The following STRN variants were observed in gnomAD, a reference collection of about 807,000 sequenced individuals.
STRN encodes striatin, also known as protein phosphatase 2 regulatory subunit B'''alpha.
A neutral mutation model predicts 96.3 loss-of-function variants in STRN; 53 were observed. The observed-to-expected ratio is 0.55, with a 90% CI of 0.44 to 0.69. The LOEUF is 0.69. Among genes scored for constraint, STRN ranks in the 30% least tolerant of loss-of-function variants. STRN has a pLI of 0.00. For missense variants in STRN, 987 were observed against 963.9 expected (o/e 1.02, Z -0.32); for synonymous variants, 428 against 355.9 (o/e 1.20, Z -2.28).
rs879012467 is a variant in STRN at position 36,894,099 on chromosome 2, T to A, written c.796-66A>T. The A allele has an allele frequency of 2.0e-5, 31 of 1,525,604 alleles. No individual in the cohort carries two copies. The South Asian group carries it at 3.5e-4, about 17-fold the overall frequency. 94.5% of individuals were successfully genotyped at this position (1,525,604 alleles called of 1,614,324 possible). A position where few individuals can be genotyped will look rare whatever the true frequency, so the allele number is the denominator to read the frequency against. ...TCCCTTTACCACTGAATAAGAAAAT[T>A]CAATTATTTTCTTCAGAAAGTATAC... On this transcript the variant is annotated intron_variant, in intron 6 of 17. Transcript: ENST00000263918.
Position 36,953,545 on chromosome 2 carries a change from G to A in STRN, c.234+12685C>T, listed in dbSNP as rs372523972. ...AGCCTCCCAAGTAGCTGGGACTACAGGCACCCGCCACCACACCAGGCTAAT... is the reference window on the plus strand; with the variant it reads ...AGCCTCCCAAGTAGCTGGGACTACAAGCACCCGCCACCACACCAGGCTAAT... On this transcript the variant is annotated intron_variant, in intron 1 of 17. Coordinates refer to ENST00000263918, the MANE Select transcript of STRN (RefSeq NM_003162.4). Among the ~76,000 whole-genome samples, 68 of 151,876 alleles carry A rather than the reference G, an allele frequency of 4.5e-4. No homozygotes were observed. In the East Asian group the frequency reaches 6.4e-3, roughly 14 times the overall value.
chr2:36,908,461 T>A (rs557919988), intron 3 of STRN, among the ~76,000 whole-genome samples: 2 of 152,322 alleles, frequency 1.3e-5, no homozygotes, highest in Admixed American at 6.5e-5. Flanking sequence ...CTGGAATTCA[T>A]ATGACTTTCT....
chr2:36,866,936 C>T (rs1235591934), intron 12 of STRN, among the ~76,000 whole-genome samples: 3 of 152,100 alleles, frequency 2.0e-5, no homozygotes, highest in African/African-American at 7.2e-5. Flanking sequence ...TGAGGTGGGT[C>T]GCTTAAAGAT....
At chr2:36,892,121 T>G (rs1450567562) in intron 7 of STRN, among the ~76,000 whole-genome samples, 1 of 152,234 alleles carries the variant, frequency 6.6e-6, no homozygotes, top group East Asian at 1.9e-4. Flanking sequence ...CTCGAAGGTA[T>G]ATTAGAATCT....
chr2:36,922,998 T>A (rs554720081), intron 2 of STRN, among the ~76,000 whole-genome samples: 39 of 151,824 alleles, frequency 2.6e-4, no homozygotes, highest in African/African-American at 8.7e-4. Flanking sequence ...AAAAATTAGC[T>A]GGGCATGGTG....
intron 16 of STRN, among the ~76,000 whole-genome samples, 168 bp downstream of exon 16, chr2:36,850,832 T>C (rs1195235579): frequency 2.0e-5 from 3 of 152,100 alleles, no homozygotes; most frequent in Non-Finnish European, 2.9e-5. Context: ...TAAAGACTAG[T>C]CTTAGCAGAT....
intron 1 of STRN, among the ~76,000 whole-genome samples, chr2:36,942,499 G>A (rs959683900): frequency 2.7e-4 from 41 of 152,064 alleles, no homozygotes; most frequent in Non-Finnish European, 2.4e-4. Flanking sequence ...ATTTGCCAGC[G>A]GTGCTCTTGA....
At chr2:36,966,157 G>T (rs1315367509) in intron 1 of STRN, 73 bp downstream of exon 1, 6 of 1,321,762 alleles carry the variant, frequency 4.5e-6, no homozygotes, top group Non-Finnish European at 5.8e-6. Flanking sequence ...GGGGGAGGGG[G>T]AGAAGGGTCC....
At chr2:36,905,418 C>T in intron 4 of STRN, 122 bp downstream of exon 4, 1 of 845,716 alleles carries the variant, frequency 1.2e-6, no homozygotes, top group Non-Finnish European at 1.9e-6. Context: ...TTCAATTAAG[C>T]TTTTTCACAG....
intron 1 of STRN, among the ~76,000 whole-genome samples, chr2:36,954,250 C>T (rs1319892960): frequency 6.6e-6 from 1 of 151,994 alleles, no homozygotes; most frequent in Non-Finnish European, 1.5e-5. Context: ...GTGGCTCACA[C>T]CTATAATCCC....
At position 36,843,875 on chromosome 2, in the gene STRN, C is replaced by G. The variant is rs1440120286; in HGVS notation, c.*5581G>C. The G allele has an allele frequency of 6.6e-6, 1 of 152,154 alleles. No individual in the cohort carries two copies. Among genetic ancestry groups the G allele is most frequent in the East Asian group, 1.9e-4 (1 of 5,202 alleles). The allele number at this position is 152,154 out of a possible 1,614,324, so 9.4% of individuals were successfully genotyped here. A position where few individuals can be genotyped will look rare whatever the true frequency, so the allele number is the denominator to read the frequency against. ...AAGATGGATATCTTAATTAGCTTAT[C>G]CATACCCTGAATTTACATAAGAAAC... On this transcript the variant is annotated 3_prime_UTR_variant, in exon 18 of 18. Transcript: ENST00000263918.
At chr2:36,873,814 G>A (rs562379132) in intron 10 of STRN, among the ~76,000 whole-genome samples, 5 of 151,892 alleles carry the variant, frequency 3.3e-5, no homozygotes, top group African/African-American at 9.7e-5. Context: ...ATGGTGGCAT[G>A]TGCCTGTAAT....
intron 13 of STRN, among the ~76,000 whole-genome samples, chr2:36,859,901 T>C (rs1002716300): frequency 6.6e-6 from 1 of 152,180 alleles, no homozygotes; most frequent in African/African-American, 2.4e-5. Flanking sequence ...ATGTAAGTGT[T>C]GTAGCCAGAA....
intron 1 of STRN, among the ~76,000 whole-genome samples, chr2:36,955,210 T>C (rs1664854895): frequency 1.3e-5 from 2 of 152,212 alleles, no homozygotes; most frequent in South Asian, 4.1e-4. Flanking sequence ...CTGGCCTGGG[T>C]ACTAGGACTC....
At chr2:36,878,963 G>A (rs1157277523) in intron 9 of STRN, among the ~76,000 whole-genome samples, 1 of 151,966 alleles carries the variant, frequency 6.6e-6, no homozygotes, top group Admixed American at 6.6e-5. Flanking sequence ...ATGTTGGCCA[G>A]GCTGGTCGTG....
chr2:36,854,478 C>T (rs943240343), intron 15 of STRN, among the ~76,000 whole-genome samples: 7 of 152,070 alleles, frequency 4.6e-5, no homozygotes, highest in Non-Finnish European at 1.5e-5. Flanking sequence ...AATAAAGAAA[C>T]TTTTTGAGAG....
At chr2:36,945,731 T>C (rs994363286) in intron 1 of STRN, among the ~76,000 whole-genome samples, 2 of 151,936 alleles carry the variant, frequency 1.3e-5, no homozygotes, top group South Asian at 2.1e-4. Flanking sequence ...CAGCAGTGTA[T>C]CAAAAGAGAA....
chr2:36,933,045 A>T (rs545238106), intron 1 of STRN, among the ~76,000 whole-genome samples: 17 of 141,808 alleles, frequency 1.2e-4, no homozygotes, highest in African/African-American at 3.6e-4. Context: ...TAGAAATTCC[A>T]TTTTTTTTTA....
At chr2:36,908,742 G>C (rs1669887106) in intron 3 of STRN, among the ~76,000 whole-genome samples, 1 of 152,100 alleles carries the variant, frequency 6.6e-6, no homozygotes, top group South Asian at 2.1e-4. Context: ...GGGAGGCCGT[G>C]GTGGGCGGAT....
Sources: allele counts gnomAD v4.1 joint callset (sites outside exome capture counted in the v4.1 genomes callset), GRCh38; gene constraint gnomAD v4.1.1; transcripts MANE v1.5; gene names NCBI Gene and HGNC (gene_info 2026-07-23, HGNC 2026-07-21).